TMEM117: variants seen among roughly 807,000 people sequenced by gnomAD.
The protein encoded by TMEM117 is transmembrane protein 117.
TMEM117 carries 27 observed loss-of-function variants against 52.4 expected under a neutral mutation model. The observed-to-expected ratio is 0.51, with a 90% confidence interval of 0.38 to 0.71. TMEM117 has a LOEUF of 0.71. Among genes scored for constraint, TMEM117 ranks in the 30% least tolerant of loss-of-function variants. The pLI, the probability that TMEM117 is intolerant of heterozygous loss-of-function variation, is 0.00. For synonymous variants in TMEM117, 215 were observed against 206.3 expected (o/e 1.04, Z -0.36); for missense variants, 556 against 630.5 (o/e 0.88, Z 1.26).
chr12:44,276,214 C>T (rs1470631316), intron 5 of TMEM117, among the ~76,000 whole-genome samples: 1 of 152,086 alleles, frequency 6.6e-6, no homozygotes, highest in Non-Finnish European at 1.5e-5. Flanking sequence ...GTGCTCATTA[C>T]TCACACTAGC....
intron 1 of TMEM117, among the ~76,000 whole-genome samples, chr12:43,840,439 GA>G (rs1162226389): frequency 6.6e-6 from 1 of 152,220 alleles, no homozygotes; most frequent in Non-Finnish European, 1.5e-5. Flanking sequence ...AGAGGGAGTT[GA>G]GGGGGGGTGC....
At chr12:44,163,042 G>A (rs1199975602) in intron 4 of TMEM117, among the ~76,000 whole-genome samples, 1 of 152,154 alleles carries the variant, frequency 6.6e-6, no homozygotes, top group Non-Finnish European at 1.5e-5. Flanking sequence ...AGTGTCTGTT[G>A]AAGAGTCTTA....
At chr12:43,970,065 T>C (rs1203307834) in intron 3 of TMEM117, among the ~76,000 whole-genome samples, 1 of 152,152 alleles carries the variant, frequency 6.6e-6, no homozygotes, top group Non-Finnish European at 1.5e-5. Flanking sequence ...TGAACTCTTG[T>C]GCCATCCTGC....
Position 44,071,284 on chromosome 12 carries a change from T to C in TMEM117, c.411-72241T>C, listed in dbSNP as rs531882847. Among the ~76,000 whole-genome samples, 49 of 152,262 alleles carry C rather than the reference T, an allele frequency of 3.2e-4. 1 individual carries two copies. The highest frequency in any genetic ancestry group is 7.9e-4 in the African/African-American group (33 of 41,566). On this transcript the variant is annotated intron_variant, in intron 3 of 7. Transcript: ENST00000266534. Reference sequence around the variant, plus strand: ...TGGGAGACACTGCTCTTCAGATCCATCTTATGTCCAGGTGTGCGTTCACCC... The same window carrying C: ...TGGGAGACACTGCTCTTCAGATCCACCTTATGTCCAGGTGTGCGTTCACCC...
intron 5 of TMEM117, among the ~76,000 whole-genome samples, chr12:44,250,589 A>G (rs1950185367): frequency 6.6e-6 from 1 of 152,206 alleles, no homozygotes; most frequent in Non-Finnish European, 1.5e-5. Flanking sequence ...GAACCAACCC[A>G]AATGCCCATC....
chr12:44,011,120 C>G (rs1946283300), intron 3 of TMEM117, among the ~76,000 whole-genome samples: 1 of 152,004 alleles, frequency 6.6e-6, no homozygotes, highest in South Asian at 2.1e-4. Flanking sequence ...CTTTATTTTT[C>G]TTTCACTTTT....
At chr12:43,805,185 G>A in the TMEM117 span, among the ~76,000 whole-genome samples, 1 of 152,058 alleles carries the variant, frequency 6.6e-6, no homozygotes, top group African/African-American at 2.4e-5. Context: ...TTCTAATTTC[G>A]TTCCTGTGTT....
chr12:44,391,369 CT>C (rs1304037201), downstream of TMEM117, among the ~76,000 whole-genome samples: 1 of 152,108 alleles, frequency 6.6e-6, no homozygotes, highest in African/African-American at 2.4e-5. Context: ...GTTACCTTAT[CT>C]TTTAGCATAG....
At chr12:44,270,687 T>C (rs567517709) in intron 5 of TMEM117, among the ~76,000 whole-genome samples, 2 of 152,174 alleles carry the variant, frequency 1.3e-5, no homozygotes, top group South Asian at 4.1e-4. Context: ...ATCCTTGTCA[T>C]GTTCCAGTTC....
At chr12:44,370,511 T>TTC (rs1248370157) in intron 6 of TMEM117, among the ~76,000 whole-genome samples, 3 of 147,538 alleles carry the variant, frequency 2.0e-5, no homozygotes, top group African/African-American at 7.5e-5. Flanking sequence ...GATTCTTTTT[T>TTC]TTTTTTTTTT....
At chr12:43,836,867 G>C (rs1943040152) in intron 1 of TMEM117, among the ~76,000 whole-genome samples, 1 of 151,512 alleles carries the variant, frequency 6.6e-6, no homozygotes, top group Non-Finnish European at 1.5e-5. Flanking sequence ...AACCAAAAAG[G>C]AAAAAAAATG....
intron 6 of TMEM117, among the ~76,000 whole-genome samples, chr12:44,331,176 C>A (rs563683759): frequency 6.7e-6 from 1 of 150,340 alleles, no homozygotes; most frequent in African/African-American, 2.5e-5. Flanking sequence ...TCTAGTGGGA[C>A]CTTTTTTTAA....
chr12:44,140,866 A>G (rs534944682), intron 3 of TMEM117, among the ~76,000 whole-genome samples: 4 of 152,066 alleles, frequency 2.6e-5, no homozygotes, highest in African/African-American at 7.2e-5. Flanking sequence ...CTCTTTAGAG[A>G]TTTTACTTAG....
intron 6 of TMEM117, among the ~76,000 whole-genome samples, chr12:44,369,116 A>C (rs1206408853): frequency 6.6e-6 from 1 of 152,154 alleles, no homozygotes; most frequent in Non-Finnish European, 1.5e-5. Context: ...TTGCCTAGTG[A>C]AGGAGTACTG....
At chr12:44,250,390 G>T (rs1463115936) in intron 5 of TMEM117, among the ~76,000 whole-genome samples, 1 of 152,052 alleles carries the variant, frequency 6.6e-6, no homozygotes, top group South Asian at 2.1e-4. Flanking sequence ...ACTGCTGATG[G>T]GAATGTAAAT....
intron 5 of TMEM117, among the ~76,000 whole-genome samples, chr12:44,270,319 A>G (rs1349661960): frequency 6.6e-6 from 1 of 151,792 alleles, no homozygotes; most frequent in Non-Finnish European, 1.5e-5. Context: ...GAGGATTTTC[A>G]CCTCCTTGGT....
chr12:44,023,253 T>C (rs537010150), intron 3 of TMEM117, among the ~76,000 whole-genome samples: 20 of 152,360 alleles, frequency 1.3e-4, no homozygotes, highest in African/African-American at 4.1e-4. Context: ...GTTCCAAGTC[T>C]TTGCTATTGT....
intron 3 of TMEM117, among the ~76,000 whole-genome samples, chr12:44,063,281 C>A (rs958977438): frequency 6.6e-6 from 1 of 152,124 alleles, no homozygotes; most frequent in African/African-American, 2.4e-5. Flanking sequence ...TGCAGTGGAG[C>A]CATTAAATCC....
At chr12:44,302,989 C>T (rs1455279985) in intron 6 of TMEM117, among the ~76,000 whole-genome samples, 3 of 151,688 alleles carry the variant, frequency 2.0e-5, no homozygotes, top group South Asian at 2.1e-4. Flanking sequence ...TGAAAGCAGT[C>T]GATCCTAGGT....
Sources: gnomAD v4.1 joint callset for allele counts (sites outside exome capture counted in the v4.1 genomes callset) on GRCh38, gnomAD v4.1.1 for gene constraint, MANE v1.5 for transcripts, NCBI Gene and HGNC (gene_info 2026-07-23, HGNC 2026-07-21) for gene names.